Variants in CSGALNACT1 observed in about 807,000 individuals in gnomAD.
The protein encoded by CSGALNACT1 is beta4GalNAcT-1.
CSGALNACT1 carries 52 observed loss-of-function variants against 51.0 expected under a neutral mutation model. The observed-to-expected ratio is 1.02, with a 90% CI of 0.82 to 1.29. The LOEUF is 1.29. Among genes scored for constraint, CSGALNACT1 ranks in the 50% most tolerant of loss-of-function variants. The pLI, the probability that CSGALNACT1 is intolerant of heterozygous loss-of-function variation, is 0.00. For synonymous variants in CSGALNACT1, 341 were observed against 254.4 expected, an observed-to-expected ratio of 1.34 and a Z score of -3.24; for missense variants, 935 against 679.2, an observed-to-expected ratio of 1.38 and a Z score of -4.19.
At position 19,408,632 on chromosome 8, in the gene CSGALNACT1, C is replaced by G. The variant is rs557020734; in HGVS notation, c.1290G>C (p.Arg430=). The stretch of plus-strand genomic sequence containing the variant: ...TCCTACCTATATTGATGAAGTCTGA[C>G]CGATACTGACACGTCATCCCAAATC... Residue 430 remains arginine, a synonymous_variant, in exon 9 of 10, where the codon CGG becomes CGC. Transcript: ENST00000454498. 1.2e-6 allele frequency: 2 copies of G among 1,613,920 alleles called. No homozygotes were observed. Among genetic ancestry groups the G allele is most frequent in the South Asian group, 2.2e-5 (2 of 91,058 alleles).
At chr8:19,500,047 T>C (rs184405385) in intron 4 of CSGALNACT1, among the ~76,000 whole-genome samples, 7 of 152,316 alleles carry the variant, frequency 4.6e-5, no homozygotes, top group Non-Finnish European at 8.8e-5. Flanking sequence ...TCCTTCCTTA[T>C]AGGGACTTAA....
chr8:19,568,581 G>A (rs1041930513), intron 3 of CSGALNACT1, among the ~76,000 whole-genome samples: 7 of 151,994 alleles, frequency 4.6e-5, no homozygotes, highest in African/African-American at 9.7e-5. Context: ...AAAAACAAAA[G>A]GACTTTAAAT....
chr8:19,461,912 G>C (rs62496184), intron 4 of CSGALNACT1, among the ~76,000 whole-genome samples: 80 of 93,178 alleles, frequency 8.6e-4, no homozygotes, highest in East Asian at 2.7e-3. Flanking sequence ...GGGTGTATCC[G>C]CACAGCACCC....
chr8:19,597,299 T>C (rs993056595), intron 2 of CSGALNACT1, among the ~76,000 whole-genome samples: 33 of 132,390 alleles, frequency 2.5e-4, no homozygotes, highest in African/African-American at 8.2e-4. Flanking sequence ...TTTTTTTTTT[T>C]TTTTTTTTTT....
upstream of CSGALNACT1, among the ~76,000 whole-genome samples, chr8:19,687,459 C>T (rs1363521404): frequency 6.6e-6 from 1 of 152,056 alleles, no homozygotes; most frequent in Non-Finnish European, 1.5e-5. Context: ...ATGTACAATG[C>T]CGTACAGATG....
chr8:19,505,616 G>A (rs760857623), exon 4 of CSGALNACT1: 3 of 1,614,122 alleles, frequency 1.9e-6, no homozygotes, highest in Non-Finnish European at 2.5e-6. Flanking sequence ...GCTTCAGGCT[G>A]CTCACGTAGT....
intron 1 of CSGALNACT1, among the ~76,000 whole-genome samples, chr8:19,633,044 A>G (rs2055514789): frequency 6.6e-6 from 1 of 151,514 alleles, no homozygotes. Flanking sequence ...CTGAGATCAC[A>G]AGTGTCAAAA....
At chr8:19,492,901 A>C (rs1283291393) in intron 4 of CSGALNACT1, among the ~76,000 whole-genome samples, 8 of 152,186 alleles carry the variant, frequency 5.3e-5, no homozygotes, top group African/African-American at 1.9e-4. Flanking sequence ...TAAAAATAAG[A>C]TTTAAGTCTT....
intron 1 of CSGALNACT1, among the ~76,000 whole-genome samples, chr8:19,749,240 G>T (rs1425144930): frequency 2.0e-5 from 3 of 148,378 alleles, no homozygotes; most frequent in African/African-American, 2.5e-5. Flanking sequence ...AAGTTTGCTT[G>T]TTCAATTCAT....
At chr8:19,652,013 C>T (rs564814286) in intron 1 of CSGALNACT1, among the ~76,000 whole-genome samples, 2 of 152,224 alleles carry the variant, frequency 1.3e-5, no homozygotes, top group East Asian at 3.9e-4. Context: ...TCACTGCAAC[C>T]TTCACCGCCT....
At position 19,734,368 on chromosome 8, in the gene CSGALNACT1, G is replaced by A. The variant is rs182508307; in HGVS notation, c.-297+23482C>T. 1.2e-3 allele frequency among the ~76,000 whole-genome samples: 181 copies of A among 152,270 alleles called. 1 individual carries two copies. The highest frequency in any genetic ancestry group is 4.2e-3 in the African/African-American group (173 of 41,558). On this transcript the variant is annotated intron_variant, in intron 1 of 1. Transcript: ENST00000517494. ...GCAGCCAAGCTTCAGCCAATCACAG[G>A]CTGCCAATGAATCAGATCATAAGGT...
intron 1 of CSGALNACT1, among the ~76,000 whole-genome samples, chr8:19,654,228 C>T (rs1469021127): frequency 1.3e-5 from 2 of 152,172 alleles, no homozygotes; most frequent in East Asian, 1.9e-4. Flanking sequence ...TCAAAATAAA[C>T]AACAGAAACT....
chr8:19,553,638 TAA>T lies in CSGALNACT1; in HGVS notation c.-297+37520_-297+37521del, dbSNP rs67291102. 1.8e-3 allele frequency among the ~76,000 whole-genome samples: 212 copies of T among 119,744 alleles called. 16 individuals are homozygous for T. Among genetic ancestry groups the T allele is most frequent in the East Asian group, 9.7e-3 (44 of 4,544 alleles). 78.6% of individuals were successfully genotyped at this position (119,744 alleles called of 152,430 possible). On this transcript the variant is annotated intron_variant, in intron 3 of 9. Transcript: ENST00000454498. ...ATAAATACATATATATATATATATA[TAA>T]AAAAATATGTCAGCCTTTCTATTAC...
chr8:19,628,537 G>T (rs537728753), intron 1 of CSGALNACT1, among the ~76,000 whole-genome samples: 1 of 152,304 alleles, frequency 6.6e-6, no homozygotes, highest in South Asian at 2.1e-4. Context: ...TACAGATCGG[G>T]AAACTAAGCT....
intron 1 of CSGALNACT1, among the ~76,000 whole-genome samples, chr8:19,607,843 T>C (rs546909262): frequency 2.2e-4 from 34 of 152,352 alleles, no homozygotes; most frequent in African/African-American, 7.7e-4. Context: ...CTTTATCTGT[T>C]GTCTTCTCAC....
intron 1 of CSGALNACT1, among the ~76,000 whole-genome samples, chr8:19,678,273 T>G (rs959290492): frequency 6.6e-6 from 1 of 152,154 alleles, no homozygotes; most frequent in Admixed American, 6.5e-5. Context: ...TCCAGACATC[T>G]CTGCATAGAG....
chr8:19,468,574 A>C (rs1449392538), intron 4 of CSGALNACT1, among the ~76,000 whole-genome samples: 24 of 152,152 alleles, frequency 1.6e-4, no homozygotes, highest in Admixed American at 1.6e-3. Context: ...CAACAAGGAA[A>C]GAACCACGAT....
intron 1 of CSGALNACT1, among the ~76,000 whole-genome samples, chr8:19,620,052 C>T (rs1480623576): frequency 6.6e-6 from 1 of 152,104 alleles, no homozygotes; most frequent in Non-Finnish European, 1.5e-5. Context: ...GTGGCTCACA[C>T]CTGTAATCCC....
At chr8:19,435,984 C>T (rs985331878) in intron 6 of CSGALNACT1, among the ~76,000 whole-genome samples, 7 of 152,104 alleles carry the variant, frequency 4.6e-5, no homozygotes, top group Non-Finnish European at 1.0e-4. Flanking sequence ...TCCTACTTCA[C>T]TTTTTAAAAA....
Sources: allele counts gnomAD v4.1 joint callset (sites outside exome capture counted in the v4.1 genomes callset), GRCh38; gene constraint gnomAD v4.1.1; transcripts MANE v1.5; gene names NCBI Gene and HGNC (gene_info 2026-07-23, HGNC 2026-07-21).